Variants in ANKS1A observed in about 807,000 individuals in gnomAD.
ANKS1A encodes the protein ankyrin repeat and sterile alpha motif domain containing 1A.
A neutral mutation model predicts 120.3 loss-of-function variants in ANKS1A; 55 were observed. The observed-to-expected ratio is 0.46, with a 90% CI of 0.37 to 0.57. ANKS1A has a LOEUF of 0.57. Among genes scored for constraint, ANKS1A ranks in the 20% least tolerant of loss-of-function variants. ANKS1A has a pLI of 0.00. For synonymous variants in ANKS1A, 590 were observed against 604.7 expected (o/e 0.98, Z 0.36); for missense variants, 1,123 against 1,480.3 (o/e 0.76, Z 3.96).
In ANKS1A at chr6:35,086,489, C is replaced by T. The variant is rs552903648; in HGVS notation, c.3304-463C>T. On this transcript the variant is annotated intron_variant, in intron 22 of 23. Transcript: ENST00000360359. This position sits in a 1 kb window ranked among gnomAD's most constrained non-coding sequence, Gnocchi z 5.1. The stretch of plus-strand genomic sequence containing the variant: ...TTCTTTCCCCTCTTCCTGAGATGCC[C>T]TCTGCCTGTTCTGTGTGTGCTTCAG... The T allele has an allele frequency of 9.6e-6, 6 of 621,802 alleles. No homozygotes were observed. The highest frequency in any genetic ancestry group is 1.3e-4 in the East Asian group (2 of 15,172). 38.5% of individuals were successfully genotyped at this position (621,802 alleles called of 1,614,324 possible). A position where few individuals can be genotyped will look rare whatever the true frequency, so the allele number is the denominator to read the frequency against.
intron 1 of ANKS1A, among the ~76,000 whole-genome samples, chr6:34,890,479 G>T (rs918708897): frequency 2.0e-5 from 3 of 152,180 alleles, no homozygotes; most frequent in Non-Finnish European, 4.4e-5. Flanking sequence ...AGTTCAAATT[G>T]TAGTTCCTTG....
intron 20 of ANKS1A, among the ~76,000 whole-genome samples, chr6:35,083,885 G>A (rs1165235862): frequency 6.6e-6 from 1 of 152,212 alleles, no homozygotes; most frequent in African/African-American, 2.4e-5. Flanking sequence ...GCTGGGGAGA[G>A]CTTGTGGTTG....
intron 13 of ANKS1A, chr6:35,070,928 T>G (rs1007681180): frequency 1.5e-6 from 1 of 649,888 alleles, no homozygotes; most frequent in Non-Finnish European, 2.8e-6. Flanking sequence ...CTTGCCATAG[T>G]CCTTAACTAC....
chr6:34,943,507 A>G (rs1242066746), intron 1 of ANKS1A, among the ~76,000 whole-genome samples: 2 of 152,188 alleles, frequency 1.3e-5, no homozygotes, highest in Admixed American at 6.5e-5. Flanking sequence ...CTCATGTCAT[A>G]TATCTACCAT....
chr6:35,045,964 T>G (rs1775701299), intron 11 of ANKS1A, among the ~76,000 whole-genome samples: 1 of 152,222 alleles, frequency 6.6e-6, no homozygotes, highest in Non-Finnish European at 1.5e-5. Flanking sequence ...TGAATGAGCC[T>G]TCAATGTAGT....
intron 12 of ANKS1A, among the ~76,000 whole-genome samples, chr6:35,054,590 C>G (rs146685741): frequency 0.011 from 1,608 of 152,302 alleles, 12 homozygotes; most frequent in Non-Finnish European, 0.013. Context: ...AGACTCGTAG[C>G]ATGCATGTGA....
intron 1 of ANKS1A, among the ~76,000 whole-genome samples, chr6:34,895,661 G>C (rs894616665): frequency 1.3e-5 from 2 of 151,768 alleles, no homozygotes; most frequent in Admixed American, 6.6e-5. Flanking sequence ...CTAAGTTCCT[G>C]CTCTTCTAAG....
chr6:35,006,790 T>C (rs1329877369), intron 10 of ANKS1A, among the ~76,000 whole-genome samples: 1 of 152,058 alleles, frequency 6.6e-6, no homozygotes, highest in Non-Finnish European at 1.5e-5. Flanking sequence ...AAAAATCTCA[T>C]GTACCCTACT....
rs1188622378 is a variant in ANKS1A, at chr6:35,091,069, G to A, written c.*2460G>A. The A allele has an allele frequency of 1.0e-6, 1 of 985,914 alleles. No individual in the cohort carries two copies. The highest frequency in any genetic ancestry group is 1.2e-6 in the Non-Finnish European group (1 of 829,934). 61.1% of individuals were successfully genotyped at this position (985,914 alleles called of 1,614,324 possible). A position where few individuals can be genotyped will look rare whatever the true frequency, so the allele number is the denominator to read the frequency against. ...ATTGGGTCTGTCTTTGAGATGCCCA[G>A]GCCAGCAGAAAGCAGCTCAGAAGTA... is the stretch of plus-strand genomic sequence containing the variant. On this transcript the variant is annotated 3_prime_UTR_variant, in exon 24 of 24. Coordinates refer to ENST00000360359, the MANE Select transcript of ANKS1A (RefSeq NM_015245.3).
chr6:35,048,209 C>G (rs1581698001), intron 11 of ANKS1A, among the ~76,000 whole-genome samples: 1 of 152,190 alleles, frequency 6.6e-6, no homozygotes, highest in African/African-American at 2.4e-5. Flanking sequence ...CAAAACAGCT[C>G]TGTTGTCTCT....
chr6:34,968,233 G>A (rs1330086396), intron 2 of ANKS1A, among the ~76,000 whole-genome samples: 1 of 152,116 alleles, frequency 6.6e-6, no homozygotes, highest in Non-Finnish European at 1.5e-5. Context: ...GCATGCTTTG[G>A]GGAGAATTTG....
intron 13 of ANKS1A, among the ~76,000 whole-genome samples, chr6:35,063,251 G>A (rs1344881513): frequency 1.3e-5 from 2 of 152,216 alleles, no homozygotes; most frequent in African/African-American, 2.4e-5. Flanking sequence ...CACCTGCATC[G>A]TAGCTGGTTC....
chr6:35,031,688 C>T (rs80261833), intron 11 of ANKS1A, among the ~76,000 whole-genome samples: 1,760 of 152,244 alleles, frequency 0.012, 30 homozygotes, highest in African/African-American at 0.039. Context: ...TTGTGGCTGC[C>T]TTACCATGTT....
At chr6:34,955,638 G>A (rs746341648) in intron 1 of ANKS1A, among the ~76,000 whole-genome samples, 13 of 151,978 alleles carry the variant, frequency 8.6e-5, no homozygotes, top group East Asian at 1.9e-4. Flanking sequence ...CCTTCACCCC[G>A]TTTCCTGGAT....
At chr6:34,905,253 T>C (rs1430200568) in intron 1 of ANKS1A, among the ~76,000 whole-genome samples, 1 of 152,240 alleles carries the variant, frequency 6.6e-6, no homozygotes, top group Admixed American at 6.5e-5. Flanking sequence ...TCACCACTCT[T>C]CCTCTGATCC....
rs1168398691 is a variant in ANKS1A at position 35,083,215 on chromosome 6, G to T, written c.2896G>T (p.Ala966Ser). Residue 966 changes from alanine (A) to serine (S), a missense_variant, in exon 19 of 24, where the codon GCC (alanine) becomes TCC (serine). By Grantham distance (99) the Ala-to-Ser change is moderately conservative. Transcript: ENST00000360359. Reference sequence around the variant, plus strand: ...GACAGAATCCACGCAAGACGCCTGTGCCAAGATGCGGGTAGGGTGCCTGTG... The same window carrying T: ...GACAGAATCCACGCAAGACGCCTGTTCCAAGATGCGGGTAGGGTGCCTGTG... Reference protein sequence around the residue: ...RGTESTQDACAKMRKSTEHMK... With the variant: ...RGTESTQDACSKMRKSTEHMK... 4 of 1,614,014 alleles carry T rather than the reference G, an allele frequency of 2.5e-6. No individual in the cohort carries two copies. In the African/African-American group the frequency reaches 5.3e-5, roughly 22 times the overall value.
intron 14 of ANKS1A, 21 bp downstream of exon 14, chr6:35,078,677 A>G (rs1777497004): frequency 1.3e-6 from 2 of 1,599,034 alleles, no homozygotes; most frequent in Non-Finnish European, 1.7e-6. Flanking sequence ...CCGGCCCTGT[A>G]GCCTCAGCCC....
downstream of ANKS1A, among the ~76,000 whole-genome samples, chr6:35,091,742 C>T (rs539321586): frequency 1.2e-4 from 18 of 152,306 alleles, no homozygotes; most frequent in Admixed American, 6.5e-4. Context: ...AGACATGAAC[C>T]GAACATCTGC....
intron 1 of ANKS1A, among the ~76,000 whole-genome samples, chr6:34,923,797 A>G (rs991547057): frequency 2.0e-5 from 3 of 151,854 alleles, no homozygotes; most frequent in African/African-American, 7.3e-5. Context: ...AGATGGACCA[A>G]CTCTTTGACC....
Sources: allele counts gnomAD v4.1 joint callset (sites outside exome capture counted in the v4.1 genomes callset), GRCh38; gene constraint gnomAD v4.1.1; non-coding constraint Gnocchi (gnomAD v3.1); transcripts MANE v1.5; gene names NCBI Gene and HGNC (gene_info 2026-07-23, HGNC 2026-07-21).